FBN2: variants seen among roughly 807,000 people sequenced by gnomAD.
The protein encoded by FBN2 is fibrillin 2.
A neutral mutation model predicts 355.6 loss-of-function variants in FBN2; 105 were observed. That is an observed-to-expected ratio of 0.30 (90% CI 0.25 to 0.35). The LOEUF is 0.35. Among genes scored for constraint, FBN2 ranks in the 10% least tolerant of loss-of-function variants. FBN2 has a pLI of 1.00. For synonymous variants in FBN2, 1,350 were observed against 1,301.2 expected, an observed-to-expected ratio of 1.04 and a Z score of -0.81; for missense variants, 3,280 against 3,758.7, an observed-to-expected ratio of 0.87 and a Z score of 3.33.
chr5:128,483,665 T>C (rs1245112937), intron 5 of FBN2, among the ~76,000 whole-genome samples: 5 of 152,164 alleles, frequency 3.3e-5, no homozygotes, highest in Non-Finnish European at 4.4e-5. Context: ...ACACGTAAAA[T>C]GTAATGACTT....
At chr5:128,486,919 T>C (rs1320402402) in intron 5 of FBN2, among the ~76,000 whole-genome samples, 4 of 152,178 alleles carry the variant, frequency 2.6e-5, no homozygotes, top group African/African-American at 9.7e-5. Flanking sequence ...TCCAACTTCA[T>C]CCATGTCCCT....
At chr5:128,501,002 A>C (rs1012082795) in intron 5 of FBN2, among the ~76,000 whole-genome samples, 19 of 152,350 alleles carry the variant, frequency 1.2e-4, no homozygotes, top group African/African-American at 4.6e-4. Flanking sequence ...AAAGAACATA[A>C]GAACAAAGGA....
At chr5:128,424,458 A>G (rs1465465763) in intron 7 of FBN2, among the ~76,000 whole-genome samples, 2 of 152,200 alleles carry the variant, frequency 1.3e-5, no homozygotes, top group Admixed American at 6.5e-5. Context: ...GATATTTTTT[A>G]GAATGATGGA....
chr5:128,291,550 C>T lies in FBN2; in HGVS notation c.6271G>A (p.Asp2091Asn). 1 of 1,613,958 alleles carries T rather than the reference C, an allele frequency of 6.2e-7. No individual in the cohort carries two copies. Among genetic ancestry groups the T allele is most frequent in the Non-Finnish European group, 8.5e-7 (1 of 1,179,900 alleles). ...CLCPPGFVLS[D>N]NGRRCFDTRQ... ...TTACCAAAGCATCTCCGTCCATTAT[C>T]AGATAGTACAAAGCCAGGGGGGCAG... is the stretch of plus-strand genomic sequence containing the variant. The change falls in exon 49 of 65, where the codon GAT becomes AAT. Residue 2091 changes from aspartate to asparagine, a missense_variant. By Grantham distance (23) the Asp-to-Asn change is conservative (BLOSUM62 1). This residue lies in a region of FBN2 where 2,284 missense variants were observed against 2,749.5 expected (regional missense o/e 0.83). Transcript: ENST00000262464.
At chr5:128,359,127 A>G (rs533492635) in intron 19 of FBN2, among the ~76,000 whole-genome samples, 77 of 152,176 alleles carry the variant, frequency 5.1e-4, no homozygotes, top group African/African-American at 1.8e-3. Flanking sequence ...CAAACAAAAA[A>G]AGTAAAATAA....
chr5:128,294,872 G>C (rs1306693994), intron 48 of FBN2, among the ~76,000 whole-genome samples: 4 of 81,210 alleles, frequency 4.9e-5, no homozygotes, highest in Admixed American at 1.5e-4. Flanking sequence ...GTCTTTTGTT[G>C]CCATTGCTTT....
In FBN2 at chr5:128,259,400, G is replaced by A; in HGVS notation, c.*55C>T. 1 of 1,601,154 alleles carries A rather than the reference G, an allele frequency of 6.2e-7. No homozygotes were observed. Among genetic ancestry groups the A allele is most frequent in the South Asian group, 1.1e-5 (1 of 90,734 alleles). ...AAAATTAGTCCTTGACTTTTCAAAT[G>A]CTTCTGCAGACTGGCTGTGCTAGGA... On this transcript the variant is annotated 3_prime_UTR_variant, in exon 65 of 65. Coordinates refer to ENST00000262464, the MANE Select transcript of FBN2 (RefSeq NM_001999.4).
At chr5:128,484,041 A>G (rs1178142628) in intron 5 of FBN2, among the ~76,000 whole-genome samples, 1 of 152,214 alleles carries the variant, frequency 6.6e-6, no homozygotes, top group African/African-American at 2.4e-5. Context: ...AATGGGCAAG[A>G]GACAGAAATG....
chr5:128,399,290 G>A (rs1156827332), intron 8 of FBN2, among the ~76,000 whole-genome samples: 1 of 151,994 alleles, frequency 6.6e-6, no homozygotes, highest in East Asian at 1.9e-4. Context: ...GCTGAGAAAC[G>A]GTATTTTAAA....
intron 7 of FBN2, among the ~76,000 whole-genome samples, chr5:128,429,488 A>G (rs116721626): frequency 4.5e-4 from 68 of 152,326 alleles, no homozygotes; most frequent in African/African-American, 1.6e-3. Flanking sequence ...ACCATTTTTA[A>G]ATTCCAGGTA....
chr5:128,405,536 G>T (rs10057797), intron 8 of FBN2, among the ~76,000 whole-genome samples: 30 of 152,154 alleles, frequency 2.0e-4, no homozygotes, highest in African/African-American at 7.2e-4. Context: ...CATTAGGTAC[G>T]TTGGTCTTAT....
intron 5 of FBN2, among the ~76,000 whole-genome samples, chr5:128,497,302 C>T (rs1049398246): frequency 1.3e-5 from 2 of 152,148 alleles, no homozygotes; most frequent in Admixed American, 6.5e-5. Context: ...CACCAGAAAT[C>T]CTAGATCCTC....
At chr5:128,378,362 C>T (rs550793250) in intron 12 of FBN2, among the ~76,000 whole-genome samples, 7 of 152,214 alleles carry the variant, frequency 4.6e-5, no homozygotes, top group African/African-American at 1.4e-4. Flanking sequence ...AATGAGGTAG[C>T]GCGTTTGGAC....
intron 31 of FBN2, among the ~76,000 whole-genome samples, chr5:128,334,342 G>T (rs1284138699): frequency 6.6e-6 from 1 of 152,078 alleles, no homozygotes; most frequent in African/African-American, 2.4e-5. Context: ...GAGGTAAATG[G>T]CAACCGGGAT....
chr5:128,344,402 T>C lies in FBN2; in HGVS notation c.3326A>G (p.Glu1109Gly). 3.7e-6 allele frequency: 6 copies of C among 1,614,074 alleles called. No homozygotes were observed. Among genetic ancestry groups the C allele is most frequent in the Non-Finnish European group, 5.1e-6 (6 of 1,179,934 alleles). Residue 1109 changes from glutamate to glycine, a missense_variant, in exon 25 of 65, where the codon GAG becomes GGG. Glu to Gly is a moderately conservative substitution (Grantham distance 98). Around this residue, in one of 6 missense-constraint regions of FBN2, gnomAD observed 2,284 missense variants for 2,749.5 expected, o/e 0.83. Coordinates refer to ENST00000262464, the MANE Select transcript of FBN2 (RefSeq NM_001999.4). ...CATCTTACCCGTGCAGTTTCTTTCC[T>C]CCATGTCTAGAGCAAAGCCACTATT... Reference protein sequence around the residue: ...RCNSGFALDMEERNCTDIDEC... With the variant: ...RCNSGFALDMGERNCTDIDEC...
At chr5:128,376,390 A>G (rs1265852714) in intron 14 of FBN2, among the ~76,000 whole-genome samples, 1 of 152,206 alleles carries the variant, frequency 6.6e-6, no homozygotes, top group African/African-American at 2.4e-5. Flanking sequence ...AGAATGCATA[A>G]AAAACAAAAA....
In FBN2 at chr5:128,291,494, G is replaced by A. The variant is rs548876575; in HGVS notation, c.6292+35C>T. On this transcript the variant is annotated intron_variant, in intron 49 of 64. Coordinates refer to ENST00000262464, the MANE Select transcript of FBN2 (RefSeq NM_001999.4). ...CAATTCAGCTTTAAAGTTTCTAAGCGTGAACTGTGACAGTGAAGTCATGCC... is the reference window on the plus strand; with the variant it reads ...CAATTCAGCTTTAAAGTTTCTAAGCATGAACTGTGACAGTGAAGTCATGCC... 159 of 1,611,170 alleles carry A rather than the reference G, an allele frequency of 9.9e-5. 1 individual carries two copies. The East Asian group carries it at 1.9e-3, about 19-fold the overall frequency.
chr5:128,306,193 C>T (rs887287064), intron 42 of FBN2, among the ~76,000 whole-genome samples: 1 of 152,248 alleles, frequency 6.6e-6, no homozygotes, highest in East Asian at 1.9e-4. Flanking sequence ...GTCAATATAG[C>T]AAATGAACTT....
At chr5:128,419,967 T>A (rs1418192896) in intron 7 of FBN2, among the ~76,000 whole-genome samples, 1 of 152,200 alleles carries the variant, frequency 6.6e-6, no homozygotes, top group Non-Finnish European at 1.5e-5. Context: ...AGTGCTGGGA[T>A]TACAGGCGTG....
Sources: gnomAD v4.1 joint callset for allele counts (sites outside exome capture counted in the v4.1 genomes callset) on GRCh38, gnomAD v4.1.1 for gene constraint, gnomAD v4.1.1 regional missense constraint, MANE v1.5 for transcripts, NCBI Gene and HGNC (gene_info 2026-07-23, HGNC 2026-07-21) for gene names.